The following ZC3H18 variants were observed in gnomAD, a reference collection of about 807,000 sequenced individuals.
ZC3H18 encodes the protein zinc finger CCCH-type containing 18, also known as zinc finger CCCH domain-containing protein 18.
In ZC3H18, 8 loss-of-function variants were observed where a neutral mutation model predicts 106.1. That is an observed-to-expected ratio of 0.08 (90% confidence interval 0.04 to 0.14). ZC3H18 has a LOEUF of 0.14. Ranked by LOEUF, ZC3H18 falls within the 10% of genes least tolerant of loss-of-function variation. ZC3H18 has a pLI of 1.00. For synonymous variants in ZC3H18, 635 were observed against 522.1 expected, an observed-to-expected ratio of 1.22 and a Z score of -2.95; for missense variants, 1,318 against 1,278.4, an observed-to-expected ratio of 1.03 and a Z score of -0.47.
chr16:88,605,888 C>G (rs904103987), intron 6 of ZC3H18, among the ~76,000 whole-genome samples: 1 of 152,238 alleles, frequency 6.6e-6, no homozygotes, highest in African/African-American at 2.4e-5. Flanking sequence ...TTAGCCAGGA[C>G]CTCGGGTTCT....
chr16:88,581,739 C>G (rs1029842643), intron 2 of ZC3H18, among the ~76,000 whole-genome samples: 1 of 152,198 alleles, frequency 6.6e-6, no homozygotes, highest in African/African-American at 2.4e-5. Context: ...TGCGTGGAGC[C>G]CACCCTGACC....
At position 88,611,517 on chromosome 16, in the gene ZC3H18, C is replaced by T. The variant is rs1905275038; in HGVS notation, c.1456C>T (p.Arg486Cys). Residue 486 changes from arginine to cysteine, a missense_variant, in exon 8 of 18, where the codon CGC becomes TGC. By Grantham distance (180) the Arg-to-Cys change is radical. This residue lies in a region of ZC3H18 where 848 missense variants were observed against 821.7 expected (regional missense o/e 1.03). Coordinates refer to ENST00000301011, the MANE Select transcript of ZC3H18 (RefSeq NM_144604.4). ...GAAGGAGAAGGGGAAGCCCAAGCCC[C>T]GCTCCCCGCAGCCGCCAAGGTAGAC... is the stretch of plus-strand genomic sequence containing the variant. ...REKEKGKPKP[R>C]SPQPPSRQAE... The T allele has an allele frequency of 5.2e-6, 8 of 1,550,160 alleles. No individual in the cohort carries two copies. Among genetic ancestry groups the T allele is most frequent in the Non-Finnish European group, 7.0e-6 (8 of 1,146,698 alleles).
chr16:88,586,905 G>C, intron 3 of ZC3H18, among the ~76,000 whole-genome samples: 1 of 152,184 alleles, frequency 6.6e-6, no homozygotes, highest in Non-Finnish European at 1.5e-5. Context: ...CTGCCTTGGT[G>C]GGAGCAGCCT....
chr16:88,601,944 A>G (rs1286838493), intron 6 of ZC3H18, among the ~76,000 whole-genome samples: 1 of 152,180 alleles, frequency 6.6e-6, no homozygotes, highest in Non-Finnish European at 1.5e-5. Context: ...AGACCCCCCT[A>G]TGATTGTCAC....
Position 88,609,070 on chromosome 16 carries a change from T to G in ZC3H18, c.1206+19T>G. The G allele has an allele frequency of 6.4e-7, 1 of 1,572,062 alleles. No homozygotes were observed. The highest frequency in any genetic ancestry group is 8.7e-7 in the Non-Finnish European group (1 of 1,143,216). On this transcript the variant is annotated intron_variant, in intron 7 of 17. Transcript: ENST00000301011. ...TTACCGAGTAAGTATGACTTCAATA[T>G]CCACATATGAACTTCATGATCTGTT... is the stretch of plus-strand genomic sequence containing the variant.
chr16:88,576,228 G>T (rs1051189528), intron 1 of ZC3H18, among the ~76,000 whole-genome samples: 1 of 151,232 alleles, frequency 6.6e-6, no homozygotes, highest in Admixed American at 6.6e-5. Context: ...TTTTTACAGA[G>T]ACAGGGTCTC....
intron 8 of ZC3H18, among the ~76,000 whole-genome samples, chr16:88,612,257 T>C (rs567219369): frequency 2.0e-5 from 3 of 152,284 alleles, no homozygotes; most frequent in Admixed American, 2.0e-4. Flanking sequence ...TACAACTTTA[T>C]TGAAATATAA....
intron 16 of ZC3H18, 112 bp from the exon 17 acceptor site, chr16:88,630,373 T>G: frequency 1.4e-6 from 1 of 731,058 alleles, no homozygotes; most frequent in Non-Finnish European, 2.3e-6. Flanking sequence ...ATGAAGGTGG[T>G]GAACTAAGCA....
intron 8 of ZC3H18, among the ~76,000 whole-genome samples, chr16:88,611,846 C>G (rs945795872): frequency 1.3e-5 from 2 of 152,202 alleles, no homozygotes; most frequent in African/African-American, 4.8e-5. Context: ...ATAGGCGCTG[C>G]CCTTGTATAC....
chr16:88,589,701 A>G (rs1451622355), intron 3 of ZC3H18, among the ~76,000 whole-genome samples: 2 of 151,884 alleles, frequency 1.3e-5, no homozygotes, highest in African/African-American at 2.4e-5. Context: ...TCATGCCACA[A>G]TGTGGACGAG....
intron 15 of ZC3H18, 80 bp downstream of exon 15, chr16:88,628,199 G>T: frequency 6.5e-7 from 1 of 1,533,054 alleles, no homozygotes; most frequent in Non-Finnish European, 8.8e-7. Context: ...CTTCCTCCTG[G>T]GGGACGGAGC....
chr16:88,585,930 A>C (rs1249574883), intron 2 of ZC3H18, among the ~76,000 whole-genome samples: 1 of 152,006 alleles, frequency 6.6e-6, no homozygotes, highest in East Asian at 1.9e-4. Flanking sequence ...GCTGGTGCCC[A>C]CGTGGGCTGG....
At chr16:88,624,894 C>G in intron 12 of ZC3H18, 149 bp downstream of exon 12, 1 of 1,237,560 alleles carries the variant, frequency 8.1e-7, no homozygotes, top group Non-Finnish European at 1.1e-6. Flanking sequence ...GAGCCCTTAC[C>G]CGGGAACCTG....
intron 6 of ZC3H18, among the ~76,000 whole-genome samples, chr16:88,605,857 G>A (rs1235295266): frequency 6.6e-6 from 1 of 152,222 alleles, no homozygotes; most frequent in African/African-American, 2.4e-5. Flanking sequence ...TGCCCCTGAT[G>A]GGCATGTCCA....
intron 16 of ZC3H18, among the ~76,000 whole-genome samples, chr16:88,629,574 G>C (rs1906531895): frequency 6.6e-6 from 1 of 152,232 alleles, no homozygotes; most frequent in East Asian, 1.9e-4. Flanking sequence ...CAGTCTGGCT[G>C]ACGGAAGACG....
chr16:88,605,910 A>G (rs1441073150), intron 6 of ZC3H18, among the ~76,000 whole-genome samples: 1 of 152,240 alleles, frequency 6.6e-6, no homozygotes, highest in Non-Finnish European at 1.5e-5. Context: ...CTCTCCAGCG[A>G]GGAGTAGGTC....
intron 8 of ZC3H18, among the ~76,000 whole-genome samples, chr16:88,616,636 A>T (rs1258589861): frequency 6.6e-6 from 1 of 152,218 alleles, no homozygotes; most frequent in Non-Finnish European, 1.5e-5. Context: ...TTTCAGGAGC[A>T]GCTGAATTCC....
Position 88,577,555 on chromosome 16 carries a change from G to A in ZC3H18, c.432G>A (p.Glu144=), listed in dbSNP as rs772993302. The change falls in exon 2 of 18, where the codon GAG becomes GAA. Residue 144 remains glutamate (E), a synonymous_variant. Transcript: ENST00000301011. ...VPEEPAPAVQ[E]DEAEKAGAED... Reference sequence around the variant, plus strand: ...AGGAGCCAGCTCCCGCCGTCCAGGAGGACGAGGCTGAGAAAGCGGGGGCTG... The same window carrying A: ...AGGAGCCAGCTCCCGCCGTCCAGGAAGACGAGGCTGAGAAAGCGGGGGCTG... 1 of 1,613,692 alleles carries A rather than the reference G, an allele frequency of 6.2e-7. No individual in the cohort carries two copies. Among genetic ancestry groups the A allele is most frequent in the Non-Finnish European group, 8.5e-7 (1 of 1,180,002 alleles).
intron 3 of ZC3H18, among the ~76,000 whole-genome samples, chr16:88,589,013 G>C (rs1915594816): frequency 6.6e-6 from 1 of 152,208 alleles, no homozygotes; most frequent in Non-Finnish European, 1.5e-5. Flanking sequence ...GGAAGTGGCT[G>C]ATTCTTACCG....
Sources: gnomAD v4.1 joint callset for allele counts (sites outside exome capture counted in the v4.1 genomes callset) on GRCh38, gnomAD v4.1.1 for gene constraint, gnomAD v4.1.1 regional missense constraint, MANE v1.5 for transcripts, NCBI Gene and HGNC (gene_info 2026-07-23, HGNC 2026-07-21) for gene names.